SYN3: variants seen among roughly 807,000 people sequenced by gnomAD.
The protein encoded by SYN3 is synapsin III.
SYN3 carries 35 observed loss-of-function variants against 65.8 expected under a neutral mutation model. That is an observed-to-expected ratio of 0.53 (90% CI 0.41 to 0.70). SYN3 has a LOEUF of 0.70. Ranked by LOEUF, SYN3 falls within the 30% of genes least tolerant of loss-of-function variation. The pLI is 0.00. For synonymous variants in SYN3, 270 were observed against 292.9 expected (o/e 0.92, Z 0.80); for missense variants, 680 against 749.0 (o/e 0.91, Z 1.08).
chr22:32,965,589 T>C (rs2051809212), intron 3 of SYN3, among the ~76,000 whole-genome samples: 1 of 151,938 alleles, frequency 6.6e-6, no homozygotes, highest in African/African-American at 2.4e-5. Context: ...TGCTTGTGTG[T>C]GTGCGTAAGA....
chr22:32,974,849 A>G (rs1431458743), intron 3 of SYN3, among the ~76,000 whole-genome samples: 1 of 152,158 alleles, frequency 6.6e-6, no homozygotes, highest in African/African-American at 2.4e-5. Context: ...TCACACAATA[A>G]CTCTAGGGAA....
chr22:32,553,242 C>T (rs1203901435), intron 7 of SYN3, among the ~76,000 whole-genome samples: 5 of 152,200 alleles, frequency 3.3e-5, no homozygotes, highest in Non-Finnish European at 7.3e-5. Flanking sequence ...CATCTCATGT[C>T]CTCATGTCCT....
chr22:32,991,322 A>G (rs182041444), intron 2 of SYN3, among the ~76,000 whole-genome samples: 3 of 137,618 alleles, frequency 2.2e-5, no homozygotes, highest in Non-Finnish European at 3.2e-5. Flanking sequence ...TGGGTAACAG[A>G]GTGAGACTCC....
At chr22:32,607,347 G>A (rs755145147) in intron 6 of SYN3, among the ~76,000 whole-genome samples, 3 of 152,108 alleles carry the variant, frequency 2.0e-5, no homozygotes, top group Non-Finnish European at 2.9e-5. Context: ...CCAAACAACT[G>A]CATGAATTCC....
At chr22:32,956,059 T>TA (rs2051446554) in intron 3 of SYN3, among the ~76,000 whole-genome samples, 2 of 139,328 alleles carry the variant, frequency 1.4e-5, no homozygotes, top group Admixed American at 1.5e-4. Context: ...TATATATATA[T>TA]ATAAAATCTC....
At chr22:33,039,958 C>T (rs942624961) in intron 1 of SYN3, among the ~76,000 whole-genome samples, 21 of 151,744 alleles carry the variant, frequency 1.4e-4, no homozygotes. Context: ...ATTTGTGAAA[C>T]AAAAAACCTG....
At chr22:33,021,645 C>G (rs1290219321) in intron 1 of SYN3, among the ~76,000 whole-genome samples, 1 of 152,216 alleles carries the variant, frequency 6.6e-6, no homozygotes, top group Non-Finnish European at 1.5e-5. Flanking sequence ...GGCCCACCCA[C>G]CTCTCCCTCA....
In SYN3 at chr22:32,799,720, C is replaced by T. The variant is rs114257302; in HGVS notation, c.711+65195G>A. On this transcript the variant is annotated intron_variant, in intron 6 of 13. Coordinates refer to ENST00000358763, the MANE Select transcript of SYN3 (RefSeq NM_003490.4). ...TCCACCACGTATGCCCTCATTCAAC[C>T]TGGATCCTTAGAGTGGCCTCCAGGG... 6.6e-3 allele frequency among the ~76,000 whole-genome samples: 1,001 copies of T among 152,278 alleles called. 10 individuals are homozygous for T. Among genetic ancestry groups the T allele is most frequent in the African/African-American group, 0.023 (952 of 41,538 alleles).
intron 7 of SYN3, among the ~76,000 whole-genome samples, chr22:32,563,139 C>T (rs912461597): frequency 6.6e-6 from 1 of 152,222 alleles, no homozygotes; most frequent in Non-Finnish European, 1.5e-5. Flanking sequence ...TTCAACTGTA[C>T]GCTGGTTATT....
Position 32,510,871 on chromosome 22 carries a change from G to T in SYN3, c.*2821C>A, listed in dbSNP as rs1015954860. On this transcript the variant is annotated 3_prime_UTR_variant, in exon 14 of 14. Transcript: ENST00000358763. The stretch of plus-strand genomic sequence containing the variant: ...ACTAGTGATCCCTATCTTCTTGGGG[G>T]CAAGTGGGGAAGCCATTCTCCTCTT... Among the ~76,000 whole-genome samples, 8 of 152,110 alleles carry T rather than the reference G, an allele frequency of 5.3e-5. No homozygotes were observed. The highest frequency in any genetic ancestry group is 8.8e-5 in the Non-Finnish European group (6 of 68,012).
intron 8 of SYN3, among the ~76,000 whole-genome samples, chr22:32,540,569 C>T (rs185056458): frequency 7.9e-5 from 12 of 152,330 alleles, no homozygotes; most frequent in African/African-American, 2.4e-4. Flanking sequence ...AGACCTCTCC[C>T]AAGAACGAGA....
intron 6 of SYN3, among the ~76,000 whole-genome samples, chr22:32,665,246 C>T (rs2060274472): frequency 6.6e-6 from 1 of 152,070 alleles, no homozygotes; most frequent in Non-Finnish European, 1.5e-5. Flanking sequence ...GATCCACCCA[C>T]CTTGGCCTCC....
chr22:32,877,810 C>G (rs536863950), intron 4 of SYN3, among the ~76,000 whole-genome samples: 24 of 152,254 alleles, frequency 1.6e-4, no homozygotes, highest in African/African-American at 5.8e-4. Context: ...AAGAGAAGAG[C>G]TCCTCCAAGG....
chr22:32,758,217 C>A (rs201931368), intron 6 of SYN3, among the ~76,000 whole-genome samples: 2 of 152,228 alleles, frequency 1.3e-5, no homozygotes, highest in East Asian at 3.9e-4. Context: ...TTATGTTAGG[C>A]ATAATTATGA....
intron 6 of SYN3, among the ~76,000 whole-genome samples, chr22:32,694,405 A>ATGGATACAATG (rs2060708438): frequency 6.6e-6 from 1 of 152,200 alleles, no homozygotes; most frequent in Admixed American, 6.5e-5. Context: ...TGGTATTTAA[A>ATGGATACAATG]TGGATACAAT....
chr22:32,787,209 G>A (rs999679924), intron 6 of SYN3, among the ~76,000 whole-genome samples: 11 of 151,794 alleles, frequency 7.2e-5, no homozygotes, highest in South Asian at 2.1e-4. Flanking sequence ...CACCACACCC[G>A]GCTAATTTTT....
intron 1 of SYN3, among the ~76,000 whole-genome samples, chr22:33,035,994 A>G (rs1042114594): frequency 6.6e-6 from 1 of 152,186 alleles, no homozygotes; most frequent in Non-Finnish European, 1.5e-5. Context: ...AGAGACATCC[A>G]TAACTGACTC....
intron 1 of SYN3, among the ~76,000 whole-genome samples, 192 bp from the exon 2 acceptor site, chr22:33,007,016 A>G (rs1296118180): frequency 6.6e-6 from 1 of 152,240 alleles, no homozygotes; most frequent in East Asian, 1.9e-4. Flanking sequence ...ATTATATCGC[A>G]AAGAAAGATT....
intron 5 of SYN3, among the ~76,000 whole-genome samples, chr22:32,865,870 G>A (rs934063722): frequency 2.6e-5 from 4 of 152,174 alleles, no homozygotes; most frequent in South Asian, 2.1e-4. Context: ...GACCTGGAAG[G>A]GGGACAGAGT....
Sources: gnomAD v4.1 joint callset for allele counts (sites outside exome capture counted in the v4.1 genomes callset) on GRCh38, gnomAD v4.1.1 for gene constraint, MANE v1.5 for transcripts, NCBI Gene and HGNC (gene_info 2026-07-23, HGNC 2026-07-21) for gene names.